DPYSL2: variants seen among roughly 807,000 people sequenced by gnomAD.
DPYSL2 encodes the protein dihydropyrimidinase-related protein 2.
Under a neutral mutation model 69.9 loss-of-function variants are expected in DPYSL2, and 13 were observed. The ratio of observed to expected loss-of-function variants is 0.19; its 90% CI spans 0.12 to 0.30. The LOEUF (loss-of-function observed/expected upper bound fraction) is 0.30, where lower values mean the gene tolerates loss of function less well. Among genes scored for constraint, DPYSL2 ranks in the 10% least tolerant of loss-of-function variants. The pLI, the probability that DPYSL2 is intolerant of heterozygous loss-of-function variation, is 1.00. For synonymous variants in DPYSL2, 326 were observed against 359.1 expected, an observed-to-expected ratio of 0.91 and a Z score of 1.04; for missense variants, 587 against 918.9, an observed-to-expected ratio of 0.64 and a Z score of 4.67.
Position 26,583,402 on chromosome 8 carries a change from A to G in DPYSL2, c.444-397A>G, listed in dbSNP as rs1801531399. ...CTATTTTCCTTCTGGTGAAAAGGAT[A>G]TGATAAAAATAAATGTTTGGAAAGT... On this transcript the variant is annotated intron_variant, in intron 2 of 13. Transcript: ENST00000521913. Among the ~76,000 whole-genome samples the G allele has an allele frequency of 3.3e-5, 5 of 150,672 alleles. No homozygotes were observed. The South Asian group carries it at 1.0e-3, about 31-fold the overall frequency.
At chr8:26,595,193 A>T (rs1484550106) in intron 3 of DPYSL2, among the ~76,000 whole-genome samples, 2 of 152,176 alleles carry the variant, frequency 1.3e-5, no homozygotes, top group Non-Finnish European at 2.9e-5. Flanking sequence ...ACTGCACTTC[A>T]GTCTGGGAGA....
chr8:26,523,453 A>AT (rs1011491144), intron 1 of DPYSL2, among the ~76,000 whole-genome samples: 2 of 152,194 alleles, frequency 1.3e-5, no homozygotes, highest in Non-Finnish European at 2.9e-5. Context: ...CTTTGTACCC[A>AT]TGAAGCAACA....
At chr8:26,612,552 T>C (rs1228789200) in intron 3 of DPYSL2, among the ~76,000 whole-genome samples, 2 of 152,154 alleles carry the variant, frequency 1.3e-5, no homozygotes, top group African/African-American at 2.4e-5. Context: ...AAAAACTCCA[T>C]GATTAAAAAT....
At chr8:26,532,239 G>A (rs925792905) in intron 1 of DPYSL2, among the ~76,000 whole-genome samples, 2 of 152,162 alleles carry the variant, frequency 1.3e-5, no homozygotes, top group Non-Finnish European at 2.9e-5. Flanking sequence ...TGAGGTCAGA[G>A]TTGGATTTGA....
rs1218493328 is a variant in DPYSL2 at position 26,626,426 on chromosome 8, T to G, written c.794-191T>G. On this transcript the variant is annotated intron_variant, in intron 4 of 13. Coordinates refer to ENST00000521913, the MANE Select transcript of DPYSL2 (RefSeq NM_001197293.3). The surrounding 1 kb of genome is among the most constrained non-coding windows in gnomAD (Gnocchi z 4.3). ...TTCACAGGTTATTTATATGGTACTCTGCTTCCTTTACCATTCTGTGTCTCC... is the reference window on the plus strand; with the variant it reads ...TTCACAGGTTATTTATATGGTACTCGGCTTCCTTTACCATTCTGTGTCTCC... 2.0e-5 allele frequency among the ~76,000 whole-genome samples: 3 copies of G among 152,096 alleles called. No individual in the cohort carries two copies. The highest frequency in any genetic ancestry group is 4.4e-5 in the Non-Finnish European group (3 of 68,026).
chr8:26,587,939 G>A lies in DPYSL2; in HGVS notation c.628+3956G>A, dbSNP rs1022236211. ...GACACGACTTGCCAACACTTACCCTGTGCGTCGGTGCAGGTGGCCAGGTGT... is the reference window on the plus strand; with the variant it reads ...GACACGACTTGCCAACACTTACCCTATGCGTCGGTGCAGGTGGCCAGGTGT... On this transcript the variant is annotated intron_variant, in intron 3 of 13. Transcript: ENST00000521913. The surrounding 1 kb of genome is among the most constrained non-coding windows in gnomAD (Gnocchi z 4.2). 2.6e-5 allele frequency among the ~76,000 whole-genome samples: 4 copies of A among 152,198 alleles called. No individual in the cohort carries two copies. The highest frequency in any genetic ancestry group is 9.7e-5 in the African/African-American group (4 of 41,444).
intron 7 of DPYSL2, among the ~76,000 whole-genome samples, chr8:26,629,984 CAT>C: frequency 9.0e-6 from 1 of 111,534 alleles, no homozygotes; most frequent in East Asian, 3.7e-4. Flanking sequence ...CACACATATA[CAT>C]ACACACACGT....
intron 1 of DPYSL2, among the ~76,000 whole-genome samples, chr8:26,574,746 CATTT>C (rs1240307083): frequency 6.6e-6 from 1 of 152,082 alleles, no homozygotes; most frequent in East Asian, 1.9e-4. Context: ...GTATAAGAAA[CATTT>C]ATTTATTTAT....
chr8:26,593,903 G>C lies in DPYSL2; in HGVS notation c.628+9920G>C, dbSNP rs868370089. Among the ~76,000 whole-genome samples the C allele has an allele frequency of 3.3e-5, 5 of 152,158 alleles. No individual in the cohort carries two copies. Among genetic ancestry groups the C allele is most frequent in the Non-Finnish European group, 5.9e-5 (4 of 68,038 alleles). On this transcript the variant is annotated intron_variant, in intron 3 of 13. Transcript: ENST00000521913. This position sits in a 1 kb window ranked among gnomAD's most constrained non-coding sequence, Gnocchi z 5.7. ...GGTCAGGACTGGAATCTTTCCTTGT[G>C]GGGAGCCTGTGAGACAAAAATCAAA... is the stretch of plus-strand genomic sequence containing the variant.
intron 3 of DPYSL2, among the ~76,000 whole-genome samples, chr8:26,590,382 C>T (rs1302083286): frequency 6.6e-6 from 1 of 152,240 alleles, no homozygotes; most frequent in East Asian, 1.9e-4. Context: ...CCTCTGCAAG[C>T]AGATGCCGGG....
intron 3 of DPYSL2, among the ~76,000 whole-genome samples, chr8:26,611,495 T>C (rs1585544998): frequency 6.6e-6 from 1 of 152,232 alleles, no homozygotes; most frequent in African/African-American, 2.4e-5. Context: ...ATTCCAGAAA[T>C]GAAACACCAC....
chr8:26,593,229 A>G lies in DPYSL2; in HGVS notation c.628+9246A>G, dbSNP rs2129781570. On this transcript the variant is annotated intron_variant, in intron 3 of 13. Transcript: ENST00000521913. The surrounding 1 kb of genome is among the most constrained non-coding windows in gnomAD (Gnocchi z 5.7). Reference sequence around the variant, plus strand: ...AGTTAAGAGAATTTTGCAATGAACTAGGGCAGTGGTTTAAAAACCTTGACT... The same window carrying G: ...AGTTAAGAGAATTTTGCAATGAACTGGGGCAGTGGTTTAAAAACCTTGACT... Among the ~76,000 whole-genome samples, 1 of 152,252 alleles carries G rather than the reference A, an allele frequency of 6.6e-6. No homozygotes were observed. Among genetic ancestry groups the G allele is most frequent in the African/African-American group, 2.4e-5 (1 of 41,534 alleles).
Position 26,641,050 on chromosome 8 carries a change from T to G in DPYSL2, c.1127-2389T>G, listed in dbSNP as rs73567685. On this transcript the variant is annotated intron_variant, in intron 8 of 13. Coordinates refer to ENST00000521913, the MANE Select transcript of DPYSL2 (RefSeq NM_001197293.3). The surrounding 1 kb of genome is among the most constrained non-coding windows in gnomAD (Gnocchi z 4.1). ...CTGAGTTGTGTTTCGCAGGGAGAGA[T>G]AAGCCTGTGGTCAGCAGCATTCATC... Among the ~76,000 whole-genome samples the G allele has an allele frequency of 6.6e-6, 1 of 152,138 alleles. No individual in the cohort carries two copies. Among genetic ancestry groups the G allele is most frequent in the Non-Finnish European group, 1.5e-5 (1 of 68,032 alleles).
In DPYSL2 at chr8:26,621,991, CAA is replaced by C. The variant is rs1238854655; in HGVS notation, c.629-2151_629-2150del. The stretch of plus-strand genomic sequence containing the variant: ...TTCTGAAGGGTGATTTGTAGAAGGA[CAA>C]GAGATGAAGCCAGGGGAGTGGGTAG... On this transcript the variant is annotated intron_variant, in intron 3 of 13. Coordinates refer to ENST00000521913, the MANE Select transcript of DPYSL2 (RefSeq NM_001197293.3). This position sits in a 1 kb window ranked among gnomAD's most constrained non-coding sequence, Gnocchi z 4.9. Among the ~76,000 whole-genome samples the C allele has an allele frequency of 6.6e-6, 1 of 152,148 alleles. No individual in the cohort carries two copies. The highest frequency in any genetic ancestry group is 2.4e-5 in the African/African-American group (1 of 41,430).
At position 26,517,110 on chromosome 8, in the gene DPYSL2, A is replaced by C. The variant is rs529436238; in HGVS notation, c.354+2431A>C. Among the ~76,000 whole-genome samples the C allele has an allele frequency of 3.3e-4, 51 of 152,278 alleles. No individual in the cohort carries two copies. Among genetic ancestry groups the C allele is most frequent in the African/African-American group, 1.2e-3 (50 of 41,558 alleles). On this transcript the variant is annotated intron_variant, in intron 1 of 13. Coordinates refer to ENST00000521913, the MANE Select transcript of DPYSL2 (RefSeq NM_001197293.3). The surrounding 1 kb of genome is among the most constrained non-coding windows in gnomAD (Gnocchi z 4.2). ...TGGGTGGATCCTGGGACCCTGACTCACACCATCCCTCCTCTCTTGCAGCTT... is the reference window on the plus strand; with the variant it reads ...TGGGTGGATCCTGGGACCCTGACTCCCACCATCCCTCCTCTCTTGCAGCTT...
chr8:26,633,571 G>A (rs1157351623), intron 7 of DPYSL2, among the ~76,000 whole-genome samples: 1 of 152,098 alleles, frequency 6.6e-6, no homozygotes, highest in Non-Finnish European at 1.5e-5. Flanking sequence ...GGGTTCCAGC[G>A]ATTCTCCTGC....
In DPYSL2 at chr8:26,626,739, G is replaced by A. The variant is rs372615071; in HGVS notation, c.855+61G>A. On this transcript the variant is annotated intron_variant, in intron 5 of 13. Coordinates refer to ENST00000521913, the MANE Select transcript of DPYSL2 (RefSeq NM_001197293.3). This position sits in a 1 kb window ranked among gnomAD's most constrained non-coding sequence, Gnocchi z 4.3. ...CATTTGGTACCTTCAGGCTGTGGCC[G>A]TTTGGGAAAGCAGTCTCCGATGTAT... 35 of 1,556,052 alleles carry A rather than the reference G, an allele frequency of 2.2e-5. No homozygotes were observed. Among genetic ancestry groups the A allele is most frequent in the Admixed American group, 8.5e-5 (5 of 58,626 alleles).
intron 1 of DPYSL2, among the ~76,000 whole-genome samples, chr8:26,532,760 A>T (rs1032927602): frequency 6.6e-6 from 1 of 152,276 alleles, no homozygotes; most frequent in Non-Finnish European, 1.5e-5. Flanking sequence ...CTGTTTTTAA[A>T]TTCATTCATC....
chr8:26,653,827 A>T lies in DPYSL2; in HGVS notation c.1942+430A>T, dbSNP rs1803328098. 6.6e-6 allele frequency among the ~76,000 whole-genome samples: 1 copy of T among 152,186 alleles called. No homozygotes were observed. The highest frequency in any genetic ancestry group is 1.5e-5 in the Non-Finnish European group (1 of 68,038). On this transcript the variant is annotated intron_variant, in intron 13 of 13. Transcript: ENST00000521913. The surrounding 1 kb of genome is among the most constrained non-coding windows in gnomAD (Gnocchi z 5.7). Reference sequence around the variant, plus strand: ...CGCCTCGGCCTCCCAAAGTGCTGGGATTACAGGTGTGAGCCACCGGGCCCA... The same window carrying T: ...CGCCTCGGCCTCCCAAAGTGCTGGGTTTACAGGTGTGAGCCACCGGGCCCA...
Sources: allele counts gnomAD v4.1 joint callset (sites outside exome capture counted in the v4.1 genomes callset), GRCh38; gene constraint gnomAD v4.1.1; non-coding constraint Gnocchi (gnomAD v3.1); transcripts MANE v1.5; gene names NCBI Gene and HGNC (gene_info 2026-07-23, HGNC 2026-07-21).